ITIH3: variants seen among roughly 807,000 people sequenced by gnomAD.
The protein encoded by ITIH3 is inter-alpha-trypsin inhibitor heavy chain 3.
Under a neutral mutation model 96.5 loss-of-function variants are expected in ITIH3, and 81 were observed. The observed-to-expected ratio is 0.84, with a 90% CI of 0.70 to 1.01. The LOEUF is 1.01. Ranked by LOEUF, ITIH3 falls within the 50% of genes least tolerant of loss-of-function variation. The pLI is 0.00. For synonymous variants in ITIH3, 422 were observed against 445.2 expected (o/e 0.95, Z 0.66); for missense variants, 1,057 against 1,139.3 (o/e 0.93, Z 1.04).
At chr3:52,796,164 C>A (rs1196811200) in intron 2 of ITIH3, 8 of 307,802 alleles carry the variant, frequency 2.6e-5, no homozygotes, top group African/African-American at 1.7e-4. Flanking sequence ...GGGGCAGATG[C>A]TCCAGAGCCA....
In ITIH3 at chr3:52,806,974, T is replaced by C. The variant is rs1700077280; in HGVS notation, c.2130T>C (p.Phe710=). Residue 710 remains phenylalanine, a synonymous_variant, in exon 19 of 22, where the codon TTT becomes TTC. Transcript: ENST00000449956. ...ACTCCAAGACCAGAAAGACTTACTT[T>C]GGAAAACTGGGCATCGCCAATGCTC... ...SPDSKTRKTY[F]GKLGIANAQM... is the part of the protein sequence containing the mutation. 3 of 1,594,976 alleles carry C rather than the reference T, an allele frequency of 1.9e-6. No homozygotes were observed. The highest frequency in any genetic ancestry group is 1.7e-6 in the Non-Finnish European group (2 of 1,170,916).
Position 52,800,676 on chromosome 3 carries a change from G to A in ITIH3, c.1201+13G>A, listed in dbSNP as rs1431026297. On this transcript the variant is annotated intron_variant, in intron 10 of 21. Coordinates refer to ENST00000449956, the MANE Select transcript of ITIH3 (RefSeq NM_002217.4). The stretch of plus-strand genomic sequence containing the variant: ...GATGCCAATGTTGGTGAGGAGCACG[G>A]GCATGGTTTTGAGCTAGGGCTGGAG... 4 of 1,597,728 alleles carry A rather than the reference G, an allele frequency of 2.5e-6. No homozygotes were observed. Among genetic ancestry groups the A allele is most frequent in the Non-Finnish European group, 3.4e-6 (4 of 1,172,296 alleles).
In ITIH3 at chr3:52,800,947, C is replaced by A. The variant is rs1285527540; in HGVS notation, c.1202-18C>A. On this transcript the variant is annotated intron_variant, in intron 10 of 21. Transcript: ENST00000449956. The stretch of plus-strand genomic sequence containing the variant: ...CCCAGGGCTGGGGCTGGACTGTGAA[C>A]ACCCCCTTCTCCAACAGGTGAGAGC... The A allele has an allele frequency of 1.2e-6, 2 of 1,613,760 alleles. No individual in the cohort carries two copies. The highest frequency in any genetic ancestry group is 1.7e-6 in the Non-Finnish European group (2 of 1,179,818).
rs1422575186 is a variant in ITIH3, at chr3:52,807,718, C to A, written c.2262-29C>A. On this transcript the variant is annotated intron_variant, in intron 19 of 21. Transcript: ENST00000449956. ...GCCCAGTGTCACGGCCACTGGGCCC[C>A]ACAGCCACTTTCTGGCTTCCTCTCG... 6 of 1,591,458 alleles carry A rather than the reference C, an allele frequency of 3.8e-6. No individual in the cohort carries two copies. The East Asian group carries it at 1.1e-4, about 30-fold the overall frequency.
chr3:52,800,888 C>G (rs1699806137), intron 10 of ITIH3, 77 bp from the exon 11 acceptor site: 2 of 1,572,514 alleles, frequency 1.3e-6, no homozygotes, highest in Non-Finnish European at 1.7e-6. Flanking sequence ...GTGCAGGAGT[C>G]CGGTCTCCCC....
chr3:52,804,431 TG>T (rs1406736252), intron 14 of ITIH3: 2 of 456,706 alleles, frequency 4.4e-6, no homozygotes, highest in African/African-American at 3.9e-5. Flanking sequence ...GACCCCAGAT[TG>T]CCCTACTCAA....
chr3:52,804,025 G>A lies in ITIH3; in HGVS notation c.1864+16G>A. 1 of 1,609,292 alleles carries A rather than the reference G, an allele frequency of 6.2e-7. No homozygotes were observed. The highest frequency in any genetic ancestry group is 8.5e-7 in the Non-Finnish European group (1 of 1,177,886). On this transcript the variant is annotated intron_variant, in intron 14 of 21. Transcript: ENST00000449956. ...CCTGGGGAAGGTGGGGATAGGGATG[G>A]AGGCCGGAACCCGGAGGCCTCCTGT...
At chr3:52,805,210 T>C in intron 15 of ITIH3, 1 of 751,982 alleles carries the variant, frequency 1.3e-6, no homozygotes, top group Non-Finnish European at 1.6e-6. Flanking sequence ...ATCACAGTCC[T>C]CTGTGCCTCT....
chr3:52,805,114 G>C (rs1256260187), intron 15 of ITIH3: 2 of 244,436 alleles, frequency 8.2e-6, no homozygotes, highest in Admixed American at 5.5e-5. Context: ...TGCTCAGTCT[G>C]TTTGCTCACA....
At chr3:52,808,515 C>A in intron 21 of ITIH3, 37 bp from the exon 22 acceptor site, 1 of 1,603,240 alleles carries the variant, frequency 6.2e-7, no homozygotes, top group South Asian at 1.1e-5. Context: ...CCATCTTACC[C>A]ACCCCGTGTA....
intron 6 of ITIH3, 126 bp from the exon 7 acceptor site, chr3:52,798,840 A>T: frequency 8.4e-7 from 1 of 1,191,044 alleles, no homozygotes; most frequent in Non-Finnish European, 1.2e-6. Flanking sequence ...AGCTCTTGCT[A>T]GCCTCTGCCC....
intron 16 of ITIH3, 130 bp downstream of exon 16, chr3:52,805,970 C>T (rs377627653): frequency 9.6e-5 from 134 of 1,394,572 alleles, no homozygotes; most frequent in East Asian, 3.4e-4. Context: ...GAGGAGATTG[C>T]GGGGTGGGAG....
intron 9 of ITIH3, among the ~76,000 whole-genome samples, chr3:52,800,168 A>G (rs1349512246): frequency 2.0e-5 from 3 of 152,154 alleles, no homozygotes; most frequent in Non-Finnish European, 4.4e-5. Context: ...TCCCAGCAAG[A>G]TAAGGCCACA....
chr3:52,805,300 C>T (rs1699994241), intron 15 of ITIH3: 3 of 1,008,012 alleles, frequency 3.0e-6, no homozygotes, highest in Non-Finnish European at 3.6e-6. Context: ...GCCCCACCTC[C>T]ATTTGGACTG....
In ITIH3 at chr3:52,800,890, G is replaced by A. The variant is rs535712093; in HGVS notation, c.1202-75G>A. On this transcript the variant is annotated intron_variant, in intron 10 of 21. Transcript: ENST00000449956. ...AGCAACTCTGCATGTGCAGGAGTCC[G>A]GTCTCCCCAGACAGAGCTGGTCTAG... 2.0e-3 allele frequency: 3,090 copies of A among 1,575,938 alleles called. 4 individuals carry two copies. The highest frequency in any genetic ancestry group is 2.7e-3 in the Admixed American group (151 of 55,968).
intron 6 of ITIH3, 127 bp downstream of exon 6, chr3:52,798,057 T>C (rs895592158): frequency 5.6e-5 from 35 of 628,448 alleles, no homozygotes; most frequent in Non-Finnish European, 9.3e-5. Flanking sequence ...TGGGGATCAA[T>C]CTGCAACTAT....
rs377346228 is a variant in ITIH3, at chr3:52,799,956, C to G, written c.1075+35C>G. 4 of 1,595,110 alleles carry G rather than the reference C, an allele frequency of 2.5e-6. No individual in the cohort carries two copies. In the South Asian group the frequency reaches 4.5e-5, roughly 18 times the overall value. On this transcript the variant is annotated intron_variant, in intron 9 of 21. Transcript: ENST00000449956. ...GAGCTGGAGCCCACACACCTCCTAG[C>G]GGTGCCTCCCTCTGTCCCTGAGCAG...
chr3:52,807,027 C>T lies in ITIH3; in HGVS notation c.2183C>T (p.Thr728Met), dbSNP rs765105261. The change falls in exon 19 of 22, where the codon ACG becomes ATG. Residue 728 changes from threonine (T) to methionine (M), a missense_variant. Transcript: ENST00000449956. ...ATGGACTTCCAGGTGGAGGTGACAA[C>T]GGAGAAGATCACCCTGTGGAACAGG... ...AQMDFQVEVT[T>M]EKITLWNRAV... 43 of 1,601,568 alleles carry T rather than the reference C, an allele frequency of 2.7e-5. No homozygotes were observed. Among genetic ancestry groups the T allele is most frequent in the East Asian group, 1.1e-4 (5 of 44,298 alleles).
At chr3:52,800,788 C>G (rs771946119) in intron 10 of ITIH3, 125 bp downstream of exon 10, 1 of 1,478,516 alleles carries the variant, frequency 6.8e-7, no homozygotes, top group Non-Finnish European at 9.2e-7. Flanking sequence ...TCTGGGAGCC[C>G]CTCAAGGGCA....
Sources: gnomAD v4.1 joint callset for allele counts (sites outside exome capture counted in the v4.1 genomes callset) on GRCh38, gnomAD v4.1.1 for gene constraint, MANE v1.5 for transcripts, NCBI Gene and HGNC (gene_info 2026-07-23, HGNC 2026-07-21) for gene names.